LANCL3: variants seen among roughly 807,000 people sequenced by gnomAD.
LANCL3 encodes the protein LanC like family member 3.
Under a neutral mutation model 26.5 loss-of-function variants are expected in LANCL3, and 19 were observed. The ratio of observed to expected loss-of-function variants is 0.72; its 90% CI spans 0.50 to 1.05. LANCL3 has a LOEUF of 1.05. LANCL3 is among the 50% of genes least tolerant of loss of function. The pLI, the probability that LANCL3 is intolerant of heterozygous loss-of-function variation, is 0.00. For synonymous variants in LANCL3, 160 were observed against 166.6 expected, an observed-to-expected ratio of 0.96 and a Z score of 0.30; for missense variants, 318 against 362.7, an observed-to-expected ratio of 0.88 and a Z score of 1.00.
rs1187348665 is a variant in LANCL3 at position 37,680,159 on chromosome X, T to C, written c.*4346T>C. On this transcript the variant is annotated 3_prime_UTR_variant, in exon 5 of 5. Transcript: ENST00000378619. ...CCTCAAGGTCAGCAGCAACAGAAGT[T>C]GGGCCTAGTAGTCAGATCACAAGTG... 1 of 111,433 alleles carries C rather than the reference T, an allele frequency of 9.0e-6. No individual in the cohort carries two copies. Among genetic ancestry groups the C allele is most frequent in the African/African-American group, 3.3e-5 (1 of 30,613 alleles). The allele number at this position is 111,433 out of a possible 1,213,427, so 9.2% of individuals were successfully genotyped here.
At chrX:37,638,683 A>G (rs1183057544) in intron 1 of LANCL3, among the ~76,000 whole-genome samples, 1 of 111,838 alleles carries the variant, frequency 8.9e-6, no homozygotes, top group African/African-American at 3.3e-5. Context: ...TCTTAAGGGT[A>G]TAACTCAGTG....
intron 2 of LANCL3, among the ~76,000 whole-genome samples, chrX:37,657,653 T>A (rs1430919392): frequency 9.1e-6 from 1 of 110,265 alleles, no homozygotes; most frequent in African/African-American, 3.3e-5. Flanking sequence ...TTTTTCAGGT[T>A]TTCGTTACAG....
At chrX:37,581,240 T>G (rs1313105273) in intron 1 of LANCL3, among the ~76,000 whole-genome samples, 1 of 112,343 alleles carries the variant, frequency 8.9e-6, no homozygotes, top group Non-Finnish European at 1.9e-5. Context: ...TGAGGATGAC[T>G]TCTTCCACAG....
chrX:37,645,475 A>G (rs1387137220), intron 1 of LANCL3, among the ~76,000 whole-genome samples: 1 of 112,407 alleles, frequency 8.9e-6, no homozygotes, highest in African/African-American at 3.2e-5. Context: ...ACCTGGCCAC[A>G]CTGGCTAAAA....
chrX:37,629,503 T>C (rs1434923725), intron 1 of LANCL3, among the ~76,000 whole-genome samples: 2 of 107,187 alleles, frequency 1.9e-5, no homozygotes, highest in East Asian at 5.7e-4. Context: ...TTTTGGTGTT[T>C]TAGACATGAA....
intron 1 of LANCL3, among the ~76,000 whole-genome samples, chrX:37,645,954 A>G (rs1347774963): frequency 8.9e-6 from 1 of 112,004 alleles, no homozygotes; most frequent in African/African-American, 3.2e-5. Flanking sequence ...CCATCATCCA[A>G]TAAGTTAAAA....
At chrX:37,631,512 C>T in intron 1 of LANCL3, among the ~76,000 whole-genome samples, 1 of 111,123 alleles carries the variant, frequency 9.0e-6, no homozygotes, top group Non-Finnish European at 1.9e-5. Flanking sequence ...TGTGTTTGCT[C>T]TTGCTTTTCT....
intron 1 of LANCL3, among the ~76,000 whole-genome samples, chrX:37,641,904 G>A (rs1368368361): frequency 8.9e-6 from 1 of 111,750 alleles, no homozygotes; most frequent in Admixed American, 9.5e-5. Flanking sequence ...TGGTGCTAAA[G>A]CTCCCACAGG....
intron 1 of LANCL3, among the ~76,000 whole-genome samples, chrX:37,607,276 A>G (rs1361857069): frequency 8.9e-6 from 1 of 112,365 alleles, no homozygotes; most frequent in Non-Finnish European, 1.9e-5. Flanking sequence ...TTTACCTAGT[A>G]TCAGTGACTC....
intron 1 of LANCL3, among the ~76,000 whole-genome samples, chrX:37,633,522 C>T (rs3117503): frequency 0.23 from 25,541 of 110,125 alleles, 2,583 homozygotes; most frequent in African/African-American, 0.39. Flanking sequence ...TTAGAGTTTC[C>T]AGTTTTTCCG....
intron 1 of LANCL3, among the ~76,000 whole-genome samples, chrX:37,613,307 A>G (rs1556421393): frequency 9.0e-6 from 1 of 111,270 alleles, no homozygotes; most frequent in African/African-American, 3.3e-5. Flanking sequence ...CTCAGTATCT[A>G]GCACCTAGGA....
At chrX:37,650,984 G>T (rs1314848242) in intron 1 of LANCL3, among the ~76,000 whole-genome samples, 1 of 105,766 alleles carries the variant, frequency 9.5e-6, no homozygotes, top group Non-Finnish European at 1.9e-5. Flanking sequence ...GTGGTGTTTG[G>T]TTTTCTGTCC....
Position 37,633,987 on chromosome X carries a change from G to A in LANCL3, c.574-21701G>A, listed in dbSNP as rs782203964. 6.4e-4 allele frequency among the ~76,000 whole-genome samples: 72 copies of A among 112,380 alleles called. 1 individual carries two copies. Among genetic ancestry groups the A allele is most frequent in the Non-Finnish European group, 3.2e-4 (17 of 53,203 alleles). On this transcript the variant is annotated intron_variant, in intron 1 of 4. Coordinates refer to ENST00000378619, the MANE Select transcript of LANCL3 (RefSeq NM_001170331.2). The stretch of plus-strand genomic sequence containing the variant: ...GCTGTCAGACAGGGACATTTAAGTC[G>A]GCAGAGGTTACTGCTGTCTTTTTGT...
At chrX:37,617,892 A>G (rs1046831817) in intron 1 of LANCL3, among the ~76,000 whole-genome samples, 5 of 112,019 alleles carry the variant, frequency 4.5e-5, no homozygotes, top group African/African-American at 1.6e-4. Context: ...ATTTTTAGCC[A>G]TTAAAAAAAA....
intron 1 of LANCL3, among the ~76,000 whole-genome samples, chrX:37,589,467 A>G (rs1924209061): frequency 9.0e-6 from 1 of 111,501 alleles, no homozygotes; most frequent in Non-Finnish European, 1.9e-5. Flanking sequence ...GGCATAGACT[A>G]CGAATTCCCT....
rs183725191 is a variant in LANCL3, at chrX:37,683,891, A to G, written c.*8078A>G. 1 of 112,143 alleles carries G rather than the reference A, an allele frequency of 8.9e-6. No individual in the cohort carries two copies. Among genetic ancestry groups the G allele is most frequent in the East Asian group, 2.8e-4 (1 of 3,626 alleles). The allele number at this position is 112,143 out of a possible 1,213,427, so 9.2% of individuals were successfully genotyped here. A position where few individuals can be genotyped will look rare whatever the true frequency, so the allele number is the denominator to read the frequency against. On this transcript the variant is annotated 3_prime_UTR_variant, in exon 5 of 5. Transcript: ENST00000378619. Reference sequence around the variant, plus strand: ...TGGTCCTAGTGAAAAAGTATAATGCAATACATGACATTAATCTTTAGTCAA... The same window carrying G: ...TGGTCCTAGTGAAAAAGTATAATGCGATACATGACATTAATCTTTAGTCAA...
In LANCL3 at chrX:37,604,038, A is replaced by G. The variant is rs782617880; in HGVS notation, c.573+31595A>G. On this transcript the variant is annotated intron_variant, in intron 1 of 4. Coordinates refer to ENST00000378619, the MANE Select transcript of LANCL3 (RefSeq NM_001170331.2). ...TGAATTCTTTCTCAGCTACTCTGGCATCTGTGCCCTTCCTGCTGTTCCCCA... is the reference window on the plus strand; with the variant it reads ...TGAATTCTTTCTCAGCTACTCTGGCGTCTGTGCCCTTCCTGCTGTTCCCCA... Among the ~76,000 whole-genome samples, 4 of 112,754 alleles carry G rather than the reference A, an allele frequency of 3.5e-5. No homozygotes were observed. In the South Asian group the frequency reaches 1.1e-3, roughly 31 times the overall value.
intron 1 of LANCL3, among the ~76,000 whole-genome samples, chrX:37,594,558 G>T (rs1556419316): frequency 8.9e-6 from 1 of 112,247 alleles, no homozygotes; most frequent in Non-Finnish European, 1.9e-5. Flanking sequence ...ATTGATAAGA[G>T]ATGGAGCCTA....
At chrX:37,630,306 T>C (rs1459922059) in intron 1 of LANCL3, among the ~76,000 whole-genome samples, 1 of 111,862 alleles carries the variant, frequency 8.9e-6, no homozygotes, top group East Asian at 2.8e-4. Context: ...ATTTTGTATC[T>C]TGAGACTTTG....
Sources: gnomAD v4.1 joint callset for allele counts (sites outside exome capture counted in the v4.1 genomes callset) on GRCh38, gnomAD v4.1.1 for gene constraint, MANE v1.5 for transcripts, NCBI Gene and HGNC (gene_info 2026-07-23, HGNC 2026-07-21) for gene names.